The following SORL1 variants were observed in gnomAD, a reference collection of about 807,000 sequenced individuals.
SORL1 encodes the protein sortilin-related receptor.
SORL1 carries 127 observed loss-of-function variants against 273.7 expected under a neutral mutation model. That is an observed-to-expected ratio of 0.46 (90% CI 0.40 to 0.54). The LOEUF (loss-of-function observed/expected upper bound fraction) is 0.54, where lower values mean the gene tolerates loss of function less well. SORL1 is among the 20% of genes least tolerant of loss of function. The pLI, the probability that SORL1 is intolerant of heterozygous loss-of-function variation, is 0.00. For synonymous variants in SORL1, 1,031 were observed against 1,067.4 expected (o/e 0.97, Z 0.66); for missense variants, 2,494 against 2,846.1 (o/e 0.88, Z 2.81).
At chr11:121,519,978 T>C (rs942629971) in intron 8 of SORL1, among the ~76,000 whole-genome samples, 3 of 152,168 alleles carry the variant, frequency 2.0e-5, no homozygotes, top group Non-Finnish European at 2.9e-5. Flanking sequence ...TGGCTGGACA[T>C]GGTGGCTCAT....
At chr11:121,485,910 C>G (rs982937606) in intron 3 of SORL1, among the ~76,000 whole-genome samples, 1 of 152,096 alleles carries the variant, frequency 6.6e-6, no homozygotes, top group Non-Finnish European at 1.5e-5. Context: ...ACCTGAGATG[C>G]TGGGGAGGAA....
intron 1 of SORL1, among the ~76,000 whole-genome samples, chr11:121,468,424 C>T (rs559690303): frequency 1.2e-4 from 18 of 152,188 alleles, no homozygotes; most frequent in African/African-American, 4.3e-4. Flanking sequence ...GACCACCTCT[C>T]AGAATTTTTT....
intron 12 of SORL1, 66 bp from the exon 13 acceptor site, chr11:121,543,482 T>C (rs1470173078): frequency 3.0e-6 from 4 of 1,353,520 alleles, no homozygotes; most frequent in Non-Finnish European, 4.2e-6. Flanking sequence ...GTGAATGTTA[T>C]ATGGAAACCA....
chr11:121,520,660 T>C lies in SORL1; in HGVS notation c.1215T>C (p.Tyr405=). ...GCTGTTTATTTTCATATTGTAGGTATTTTGCAAATGAACCATTTGCTGACT... is the reference window on the plus strand; with the variant it reads ...GCTGTTTATTTTCATATTGTAGGTACTTTGCAAATGAACCATTTGCTGACT... ...GGAGSDTLVR[Y]FANEPFADFH... Residue 405 remains tyrosine, a synonymous_variant, in exon 9 of 48, where the codon TAT becomes TAC. Coordinates refer to ENST00000260197, the MANE Select transcript of SORL1 (RefSeq NM_003105.6). The C allele has an allele frequency of 1.3e-6, 2 of 1,562,598 alleles. No homozygotes were observed. The highest frequency in any genetic ancestry group is 1.7e-6 in the Non-Finnish European group (2 of 1,154,346).
At chr11:121,516,757 A>G (rs1861959922) in intron 8 of SORL1, among the ~76,000 whole-genome samples, 1 of 152,050 alleles carries the variant, frequency 6.6e-6, no homozygotes, top group Non-Finnish European at 1.5e-5. Context: ...TTTTTTATTG[A>G]AAAAATTATT....
At chr11:121,598,688 G>A (rs1338218634) in intron 32 of SORL1, among the ~76,000 whole-genome samples, 1 of 152,206 alleles carries the variant, frequency 6.6e-6, no homozygotes, top group Non-Finnish European at 1.5e-5. Flanking sequence ...TTCTGGAGAC[G>A]AATTTCATTC....
chr11:121,570,990 A>T (rs759358297), intron 23 of SORL1, among the ~76,000 whole-genome samples: 1 of 152,216 alleles, frequency 6.6e-6, no homozygotes, highest in Non-Finnish European at 1.5e-5. Flanking sequence ...CCCTTTTGTC[A>T]GTCATGCACT....
rs529967376 is a variant in SORL1 at position 121,591,421 on chromosome 11, C to T, written c.4369+265C>T. On this transcript the variant is annotated intron_variant, in intron 31 of 47. Coordinates refer to ENST00000260197, the MANE Select transcript of SORL1 (RefSeq NM_003105.6). ...CTCTGACCTTCCTGCAAGATGCCAG[C>T]CACCCTGATTTCCACCCAGGCTATG... Among the ~76,000 whole-genome samples, 4 of 152,378 alleles carry T rather than the reference C, an allele frequency of 2.6e-5. No homozygotes were observed. The South Asian group carries it at 8.3e-4, about 32-fold the overall frequency.
chr11:121,595,671 G>T lies in SORL1; in HGVS notation c.4418G>T (p.Arg1473Leu), dbSNP rs765054279. The change falls in exon 32 of 48, where the codon CGA becomes CTA. Residue 1473 changes from arginine (R) to leucine (L), a missense_variant. Physicochemically the swap from Arg to Leu is moderately radical, Grantham distance 102. This residue lies in a region of SORL1 where 1,609 missense variants were observed against 1,816.4 expected (regional missense o/e 0.89). Coordinates refer to ENST00000260197, the MANE Select transcript of SORL1 (RefSeq NM_003105.6). The surrounding 1 kb of genome is among the most constrained non-coding windows in gnomAD (Gnocchi z 5.1). ...STPTQLGRCD[R>L]FEFECHQPKT... Reference sequence around the variant, plus strand: ...CCCACCCAACTTGGGCGATGTGACCGATTTGAGTTCGAATGCCACCAACCG... The same window carrying T: ...CCCACCCAACTTGGGCGATGTGACCTATTTGAGTTCGAATGCCACCAACCG... 6.2e-7 allele frequency: 1 copy of T among 1,613,200 alleles called. No individual in the cohort carries two copies. The highest frequency in any genetic ancestry group is 8.5e-7 in the Non-Finnish European group (1 of 1,179,598).
intron 30 of SORL1, chr11:121,590,713 A>T (rs771054749): frequency 1.5e-6 from 1 of 664,862 alleles, no homozygotes. Context: ...CTCCTCAGCC[A>T]CCTGTTTCTT....
intron 8 of SORL1, among the ~76,000 whole-genome samples, chr11:121,518,355 G>A (rs2134852223): frequency 6.6e-6 from 1 of 152,284 alleles, no homozygotes; most frequent in Non-Finnish European, 1.5e-5. Context: ...TTGTTGCAGG[G>A]CAGGTCAAGT....
chr11:121,452,508 G>A lies in SORL1; in HGVS notation c.177G>A (p.Arg59=), dbSNP rs35972846. The A allele has an allele frequency of 6.8e-7, 1 of 1,479,304 alleles. No homozygotes were observed. Among genetic ancestry groups the A allele is most frequent in the Non-Finnish European group, 8.9e-7 (1 of 1,118,864 alleles). The allele number at this position is 1,479,304 out of a possible 1,614,324, so 91.6% of individuals were successfully genotyped here. A position where few individuals can be genotyped will look rare whatever the true frequency, so the allele number is the denominator to read the frequency against. Residue 59 remains arginine, a synonymous_variant, in exon 1 of 48, where the codon CGG becomes CGA. Transcript: ENST00000260197. This position sits in a 1 kb window ranked among gnomAD's most constrained non-coding sequence, Gnocchi z 5.3. The part of the protein sequence containing the change: ...LVVQGDPREL[R]LWARGDARGA... Reference sequence around the variant, plus strand: ...TGCAGGGCGACCCGCGCGAGCTGCGGCTGTGGGCGCGCGGGGATGCCAGGG... The same window carrying A: ...TGCAGGGCGACCCGCGCGAGCTGCGACTGTGGGCGCGCGGGGATGCCAGGG...
At chr11:121,623,503 G>C (rs999800059) in intron 45 of SORL1, among the ~76,000 whole-genome samples, 1 of 152,216 alleles carries the variant, frequency 6.6e-6, no homozygotes, top group African/African-American at 2.4e-5. Context: ...CCGAGATGCC[G>C]AACAGAAGAG....
At chr11:121,504,527 T>C (rs1287862582) in intron 6 of SORL1, among the ~76,000 whole-genome samples, 1 of 152,252 alleles carries the variant, frequency 6.6e-6, no homozygotes, top group Non-Finnish European at 1.5e-5. Context: ...TTTTGTATTA[T>C]TGATCTTATA....
intron 21 of SORL1, among the ~76,000 whole-genome samples, chr11:121,562,158 G>C (rs565011692): frequency 6.6e-6 from 1 of 152,254 alleles, no homozygotes; most frequent in East Asian, 1.9e-4. Context: ...TAGCAAGTCA[G>C]ATCAGTAGGG....
At chr11:121,607,143 C>T in intron 36 of SORL1, 43 bp from the exon 37 acceptor site, 1 of 1,280,882 alleles carries the variant, frequency 7.8e-7, no homozygotes, top group Non-Finnish European at 1.1e-6. Context: ...ATGCCCTGGA[C>T]CTTTGGTTCC....
At position 121,558,644 on chromosome 11, in the gene SORL1, A is replaced by G. The variant is rs778938677; in HGVS notation, c.2717A>G (p.Asn906Ser). 6.2e-7 allele frequency: 1 copy of G among 1,614,038 alleles called. No homozygotes were observed. Among genetic ancestry groups the G allele is most frequent in the South Asian group, 1.1e-5 (1 of 91,068 alleles). ...CTGAAGCCTGGGATTTATCGGAGCA[A>G]TATGGATGGTTCTGCTGCCTATCAC... ...GDLKPGIYRS[N>S]MDGSAAYHLV... Residue 906 changes from asparagine to serine, a missense_variant, in exon 20 of 48, where the codon AAT (asparagine) becomes AGT (serine). Around this residue, in one of 3 missense-constraint regions of SORL1, gnomAD observed 1,609 missense variants for 1,816.4 expected, o/e 0.89. Transcript: ENST00000260197.
At chr11:121,530,944 CA>C (rs1372882900) in intron 11 of SORL1, among the ~76,000 whole-genome samples, 1 of 152,164 alleles carries the variant, frequency 6.6e-6, no homozygotes, top group Non-Finnish European at 1.5e-5. Flanking sequence ...TTGAGCCCAT[CA>C]GTAAATTTCT....
intron 6 of SORL1, 59 bp downstream of exon 6, chr11:121,497,108 T>A: frequency 6.8e-7 from 1 of 1,468,488 alleles, no homozygotes; most frequent in Non-Finnish European, 9.4e-7. Flanking sequence ...AAGTTTGGCA[T>A]TCTGTGATTA....
Sources: allele counts gnomAD v4.1 joint callset (sites outside exome capture counted in the v4.1 genomes callset), GRCh38; gene constraint gnomAD v4.1.1; regional missense constraint gnomAD v4.1.1; non-coding constraint Gnocchi (gnomAD v3.1); transcripts MANE v1.5; gene names NCBI Gene and HGNC (gene_info 2026-07-23, HGNC 2026-07-21).